Variants in ANK3 observed in about 807,000 individuals in gnomAD.
ANK3 encodes the protein ankyrin-3.
In ANK3, 57 loss-of-function variants were observed where a neutral mutation model predicts 370.9. The ratio of observed to expected loss-of-function variants is 0.15; its 90% CI spans 0.12 to 0.19. The LOEUF (loss-of-function observed/expected upper bound fraction) is 0.19. Ranked by LOEUF, ANK3 falls within the 10% of genes least tolerant of loss-of-function variation. The pLI, the probability that ANK3 is intolerant of heterozygous loss-of-function variation, is 1.00. For synonymous variants in ANK3, 1,929 were observed against 1,946.3 expected, an observed-to-expected ratio of 0.99 and a Z score of 0.23; for missense variants, 4,439 against 5,302.1, an observed-to-expected ratio of 0.84 and a Z score of 5.06.
intron 1 of ANK3, among the ~76,000 whole-genome samples, chr10:60,297,388 T>C (rs1157692555): frequency 6.6e-6 from 1 of 152,194 alleles, no homozygotes; most frequent in Non-Finnish European, 1.5e-5. Flanking sequence ...TTAAATTCCT[T>C]ACAGAGTCTT....
intron 11 of ANK3, among the ~76,000 whole-genome samples, chr10:60,203,609 G>A (rs761112555): frequency 2.2e-4 from 33 of 152,252 alleles, no homozygotes; most frequent in Non-Finnish European, 4.3e-4. Flanking sequence ...GAACAAATCA[G>A]CATTAATAGT....
chr10:60,072,766 C>G lies in ANK3; in HGVS notation c.8115G>C (p.Gln2705His), dbSNP rs1329554721. Reference protein sequence around the residue: ...ISQSKAPDGPQSGFQLKQSKL... With the variant: ...ISQSKAPDGPHSGFQLKQSKL... Reference sequence around the variant, plus strand: ...TAGATTGTTTGAGCTGGAATCCAGACTGGGGCCCATCTGGTGCTTTGCTCT... The same window carrying G: ...TAGATTGTTTGAGCTGGAATCCAGAGTGGGGCCCATCTGGTGCTTTGCTCT... Residue 2705 changes from glutamine to histidine, a missense_variant, in exon 37 of 44, where the codon CAG (glutamine) becomes CAC (histidine). Coordinates refer to ENST00000280772, the MANE Select transcript of ANK3 (RefSeq NM_020987.5). 8 of 1,614,132 alleles carry G rather than the reference C, an allele frequency of 5.0e-6. No homozygotes were observed. The South Asian group carries it at 7.7e-5, about 16-fold the overall frequency.
chr10:60,612,207 C>A (rs944224928), intron 2 of ANK3, among the ~76,000 whole-genome samples: 2 of 152,136 alleles, frequency 1.3e-5, no homozygotes, highest in African/African-American at 4.8e-5. Context: ...GGGTGCCAAG[C>A]AGCAAGTTAT....
intron 2 of ANK3, among the ~76,000 whole-genome samples, chr10:60,416,769 T>C (rs781479329): frequency 3.2e-4 from 49 of 152,214 alleles, no homozygotes; most frequent in African/African-American, 9.4e-4. Flanking sequence ...TTAGACAGCA[T>C]AGAACATTTT....
rs773464013 is a variant in ANK3, at chr10:60,069,568, C to T, written c.11313G>A (p.Met3771Ile). 7 of 1,613,394 alleles carry T rather than the reference C, an allele frequency of 4.3e-6. No homozygotes were observed. In the African/African-American group the frequency reaches 9.4e-5, roughly 22 times the overall value. ...CATGTTTTTCATGGGGCCTAACGCC[C>T]ATCTGGCTATTGGCTGTATTTGAAA... ...TMISNTANSQMGVRPHEKHDF... is the reference protein window; with the variant it reads ...TMISNTANSQIGVRPHEKHDF... The change falls in exon 37 of 44, where the codon ATG (methionine) becomes ATA (isoleucine). Residue 3771 changes from methionine (M) to isoleucine (I), a missense_variant. Around this residue, in one of 13 missense-constraint regions of ANK3, gnomAD observed 496 missense variants for 529.3 expected, o/e 0.94. Transcript: ENST00000280772.
chr10:60,428,235 A>G (rs370883782), intron 2 of ANK3, among the ~76,000 whole-genome samples: 1 of 152,176 alleles, frequency 6.6e-6, no homozygotes, highest in South Asian at 2.1e-4. Context: ...AGTTCAAACA[A>G]TGAGGCTGTC....
intron 7 of ANK3, among the ~76,000 whole-genome samples, chr10:60,252,342 TG>T (rs1035494203): frequency 2.0e-5 from 3 of 152,226 alleles, no homozygotes; most frequent in Middle Eastern, 3.2e-3. Flanking sequence ...GACAACGTGC[TG>T]GAACATTTAG....
At chr10:60,290,786 C>T (rs1037258174) in intron 1 of ANK3, among the ~76,000 whole-genome samples, 3 of 152,096 alleles carry the variant, frequency 2.0e-5, no homozygotes, top group Admixed American at 2.0e-4. Flanking sequence ...TGCACAGTGG[C>T]CACTCTCATG....
chr10:60,255,962 G>A (rs986254682), intron 7 of ANK3, among the ~76,000 whole-genome samples: 11 of 152,122 alleles, frequency 7.2e-5, no homozygotes, highest in Non-Finnish European at 7.4e-5. Flanking sequence ...TTCCCACTTG[G>A]GGGAAATGAG....
chr10:60,471,257 G>C (rs1334019604), intron 2 of ANK3, among the ~76,000 whole-genome samples: 1 of 152,116 alleles, frequency 6.6e-6, no homozygotes, highest in Non-Finnish European at 1.5e-5. Context: ...AAGAGTTCTT[G>C]CGCATAGTCC....
At chr10:60,676,090 C>CAAA (rs907401609) in intron 1 of ANK3, among the ~76,000 whole-genome samples, 2 of 152,024 alleles carry the variant, frequency 1.3e-5, no homozygotes, top group Non-Finnish European at 2.9e-5. Context: ...ATGACTACCT[C>CAAA]AAAAAGGCTT....
intron 2 of ANK3, among the ~76,000 whole-genome samples, chr10:60,534,522 G>A (rs2076679707): frequency 1.3e-5 from 2 of 152,188 alleles, no homozygotes; most frequent in South Asian, 4.1e-4. Context: ...TTGCTTCAAA[G>A]GGTCCTATGC....
chr10:60,163,569 C>T (rs1750707220), intron 23 of ANK3, among the ~76,000 whole-genome samples: 2 of 151,734 alleles, frequency 1.3e-5, no homozygotes, highest in Admixed American at 1.3e-4. Flanking sequence ...ACTAGTTTCT[C>T]ATAGTGTACA....
chr10:60,072,839 T>C lies in ANK3; in HGVS notation c.8042A>G (p.Gln2681Arg), dbSNP rs759354954. Residue 2681 changes from glutamine to arginine, a missense_variant, in exon 37 of 44, where the codon CAG becomes CGG. Gln to Arg is a conservative substitution (Grantham distance 43). Transcript: ENST00000280772. Reference protein sequence around the residue: ...SSPEKMVLSQQTEDSKSTVEA... With the variant: ...SSPEKMVLSQRTEDSKSTVEA... ...CACTGTGGACTTGCTGTCCTCAGTC[T>C]GTTGGGAGAGAACCATCTTCTCTGG... 1.1e-5 allele frequency: 17 copies of C among 1,614,024 alleles called. No homozygotes were observed. The highest frequency in any genetic ancestry group is 1.4e-5 in the Non-Finnish European group (17 of 1,180,020).
chr10:60,509,400 A>AT (rs146460761), intron 2 of ANK3, among the ~76,000 whole-genome samples: 11 of 152,098 alleles, frequency 7.2e-5, no homozygotes, highest in Admixed American at 2.6e-4. Flanking sequence ...TAGTATCCTC[A>AT]TTTTTTTTGT....
At position 60,240,013 on chromosome 10, in the gene ANK3, A is replaced by ACT. The variant is rs1312483283; in HGVS notation, c.799-5228_799-5227insAG. On this transcript the variant is annotated intron_variant, in intron 7 of 43. Transcript: ENST00000280772. ...AATATATATGTATGTGTGAATATAT[A>ACT]CACATATATACACATATATATACAC... Among the ~76,000 whole-genome samples the ACT allele has an allele frequency of 5.3e-4, 3 of 5,712 alleles. No individual in the cohort carries two copies. The East Asian group carries it at 0.19, about 357-fold the overall frequency. The allele number at this position is 5,712 out of a possible 152,430, so 3.7% of individuals were successfully genotyped here. A position where few individuals can be genotyped will look rare whatever the true frequency, so the allele number is the denominator to read the frequency against.
chr10:60,116,328 C>G (rs2093081545), intron 25 of ANK3, among the ~76,000 whole-genome samples: 1 of 152,130 alleles, frequency 6.6e-6, no homozygotes, highest in African/African-American at 2.4e-5. Context: ...GTGAAATGTT[C>G]TGGCTTATTA....
intron 16 of ANK3, among the ~76,000 whole-genome samples, chr10:60,192,519 A>G (rs2096506009): frequency 6.6e-6 from 1 of 152,068 alleles, no homozygotes; most frequent in Non-Finnish European, 1.5e-5. Context: ...CTACTCAGCT[A>G]TAAAAAAGAA....
At chr10:60,518,457 A>G (rs760326169) in intron 2 of ANK3, among the ~76,000 whole-genome samples, 5 of 152,066 alleles carry the variant, frequency 3.3e-5, no homozygotes, top group Non-Finnish European at 5.9e-5. Context: ...TTAGCCCATC[A>G]TAAGAATCAC....
Sources: gnomAD v4.1 joint callset for allele counts (sites outside exome capture counted in the v4.1 genomes callset) on GRCh38, gnomAD v4.1.1 for gene constraint, gnomAD v4.1.1 regional missense constraint, MANE v1.5 for transcripts, NCBI Gene and HGNC (gene_info 2026-07-23, HGNC 2026-07-21) for gene names.